The following BDNF variants were observed in gnomAD, a reference collection of about 807,000 sequenced individuals.
The protein encoded by BDNF is neurotrophic factor BDNF precursor form.
Under a neutral mutation model 19.5 loss-of-function variants are expected in BDNF, and 1 was observed. The observed-to-expected ratio is 0.05, with a 90% CI of 0.02 to 0.24. BDNF has a LOEUF of 0.24. Ranked by LOEUF, BDNF falls within the 10% of genes least tolerant of loss-of-function variation. The pLI is 1.00. For synonymous variants in BDNF, 100 were observed against 121.6 expected (o/e 0.82, Z 1.17); for missense variants, 195 against 317.6 (o/e 0.61, Z 2.93).
At chr11:27,701,645 A>C (rs1859902016), upstream of BDNF, 2 of 985,644 alleles carry the variant, frequency 2.0e-6, no homozygotes, top group Non-Finnish European at 2.4e-6. Flanking sequence ...GGAGTCCACG[A>C]GAGGGCTCCA....
chr11:27,660,132 T>C, intron 1 of BDNF: 1 of 1,033,374 alleles, frequency 9.7e-7, no homozygotes, highest in Non-Finnish European at 1.2e-6. Flanking sequence ...CCATGAAGTT[T>C]TACTGAATTC....
Position 27,657,625 on chromosome 11 carries a change from G to A in BDNF, c.*196C>T, listed in dbSNP as rs879870406. The A allele has an allele frequency of 3.2e-5, 45 of 1,396,090 alleles. No homozygotes were observed. Among genetic ancestry groups the A allele is most frequent in the East Asian group, 7.8e-5 (3 of 38,266 alleles). 86.5% of individuals were successfully genotyped at this position (1,396,090 alleles called of 1,614,324 possible). A position where few individuals can be genotyped will look rare whatever the true frequency, so the allele number is the denominator to read the frequency against. The stretch of plus-strand genomic sequence containing the variant: ...GTAATGCAGACTTTTTAAGTTGTGC[G>A]CAAATGACTGTTTCCCTTCTGGTCA... On this transcript the variant is annotated 3_prime_UTR_variant, in exon 2 of 2. Transcript: ENST00000356660. This position sits in a 1 kb window ranked among gnomAD's most constrained non-coding sequence, Gnocchi z 5.0.
At chr11:27,660,876 T>C (rs1356987241) in intron 1 of BDNF, among the ~76,000 whole-genome samples, 1 of 152,206 alleles carries the variant, frequency 6.6e-6, no homozygotes, top group East Asian at 1.9e-4. Context: ...CATCTTAAGC[T>C]GTTGGAAAAT....
chr11:27,676,573 C>T (rs79503647), intron 1 of BDNF, among the ~76,000 whole-genome samples: 238 of 152,178 alleles, frequency 1.6e-3, no homozygotes, highest in African/African-American at 5.7e-3. Flanking sequence ...TATATGATCC[C>T]CTATTTGCCT....
rs1852607866 is a variant in BDNF, at chr11:27,656,790, A to AT, written c.*1030dup. 3 of 984,956 alleles carry AT rather than the reference A, an allele frequency of 3.0e-6. No individual in the cohort carries two copies. The highest frequency in any genetic ancestry group is 3.5e-5 in the African/African-American group (2 of 57,112). The allele number at this position is 984,956 out of a possible 1,614,324, so 61.0% of individuals were successfully genotyped here. ...AAAAAATAATCTTCATTTTGGGGTT[A>AT]TTTTTTGTTGTTTTCTGTTCTAAAA... On this transcript the variant is annotated 3_prime_UTR_variant, in exon 2 of 2. Transcript: ENST00000356660.
chr11:27,697,562 A>G lies in BDNF; in HGVS notation c.-22+2602T>C, dbSNP rs140979651. 21 of 152,302 alleles carry G rather than the reference A, an allele frequency of 1.4e-4. 2 individuals carry two copies. In the East Asian group the frequency reaches 3.9e-3, roughly 28 times the overall value. 9.4% of individuals were successfully genotyped at this position (152,302 alleles called of 1,614,324 possible). ...CTTGGCCATTAATGAGATGAAGGCA[A>G]TTAACTCACATAGTATAAATGAATC... On this transcript the variant is annotated intron_variant, in intron 1 of 1. Transcript: ENST00000356660.
rs1277613430 is a variant in BDNF at position 27,659,458 on chromosome 11, GA to G, written c.-21-874del. The stretch of plus-strand genomic sequence containing the variant: ...CAATGTGTCTGGTAAGGAGAAAACT[GA>G]AAAAGTCAGCATTAAAAAGACATTT... On this transcript the variant is annotated intron_variant, in intron 1 of 1. Transcript: ENST00000356660. 26 of 1,000,172 alleles carry G rather than the reference GA, an allele frequency of 2.6e-5. 1 individual carries two copies. In the South Asian group the frequency reaches 1.2e-3, roughly 47 times the overall value. 62.0% of individuals were successfully genotyped at this position (1,000,172 alleles called of 1,614,324 possible).
rs1217383388 is a variant in BDNF, at chr11:27,700,415, C to CGCG, written c.-276_-274dup. On this transcript the variant is annotated 5_prime_UTR_variant, in exon 1 of 2. Transcript: ENST00000356660. ...CAGCGAGCGGGCGGGTGCGCCCGGG[C>CGCG]GCGGCGGCGGCAGCGTCGGGGACCC... is the stretch of plus-strand genomic sequence containing the variant. 1.7e-5 allele frequency: 17 copies of CGCG among 985,428 alleles called. No individual in the cohort carries two copies. Among genetic ancestry groups the CGCG allele is most frequent in the South Asian group, 1.4e-4 (3 of 21,676 alleles). The allele number at this position is 985,428 out of a possible 1,614,324, so 61.0% of individuals were successfully genotyped here. A position where few individuals can be genotyped will look rare whatever the true frequency, so the allele number is the denominator to read the frequency against.
intron 1 of BDNF, chr11:27,719,463 C>A: frequency 1.0e-6 from 1 of 985,608 alleles, no homozygotes. Context: ...ACCTTCTACT[C>A]CCAGGCGGAG....
At position 27,655,085 on chromosome 11, in the gene BDNF, G is replaced by C. The variant is rs1406891479; in HGVS notation, c.*2736C>G. 6.6e-6 allele frequency: 1 copy of C among 151,720 alleles called. No individual in the cohort carries two copies. 9.4% of individuals were successfully genotyped at this position (151,720 alleles called of 1,614,324 possible). A position where few individuals can be genotyped will look rare whatever the true frequency, so the allele number is the denominator to read the frequency against. On this transcript the variant is annotated 3_prime_UTR_variant, in exon 2 of 2. Coordinates refer to ENST00000356660, the MANE Select transcript of BDNF (RefSeq NM_001709.5). ...TAAAATACAATAAATATTGTTTTTT[G>C]TTTTACATGGTGAATAATATCTTTA...
At chr11:27,686,441 T>C (rs1411831255) in intron 1 of BDNF, among the ~76,000 whole-genome samples, 1 of 152,222 alleles carries the variant, frequency 6.6e-6, no homozygotes, top group Non-Finnish European at 1.5e-5. Flanking sequence ...CCTGTCATTA[T>C]GATGTTAGCT....
chr11:27,659,578 A>T, intron 1 of BDNF: 1 of 1,000,304 alleles, frequency 1.0e-6, no homozygotes, highest in South Asian at 4.7e-5. Flanking sequence ...TGGCTAATAC[A>T]CACATCTAGC....
chr11:27,683,830 C>T (rs1331447698), intron 1 of BDNF, among the ~76,000 whole-genome samples: 2 of 152,156 alleles, frequency 1.3e-5, no homozygotes, highest in Non-Finnish European at 2.9e-5. Flanking sequence ...AGTTTGAAGT[C>T]AGGTAGCATG....
rs534188921 is a variant in BDNF at position 27,698,839 on chromosome 11, T to C, written c.-22+1325A>G. 6.6e-5 allele frequency among the ~76,000 whole-genome samples: 10 copies of C among 152,024 alleles called. No individual in the cohort carries two copies. In the South Asian group the frequency reaches 1.9e-3, roughly 28 times the overall value. ...TTTGGTTGCTACTGACATTAAGGAG[T>C]AAGTGCAGGATAACTAGAGGACCCT... On this transcript the variant is annotated intron_variant, in intron 1 of 1. Transcript: ENST00000356660.
At chr11:27,668,079 C>G (rs997886281) in intron 1 of BDNF, among the ~76,000 whole-genome samples, 1 of 152,210 alleles carries the variant, frequency 6.6e-6, no homozygotes, top group Non-Finnish European at 1.5e-5. Flanking sequence ...TCTCAGACTA[C>G]AGTGCTTTCA....
chr11:27,709,017 C>T (rs1047400077), intron 1 of BDNF, among the ~76,000 whole-genome samples: 11 of 151,672 alleles, frequency 7.3e-5, no homozygotes, highest in African/African-American at 2.2e-4. Flanking sequence ...TTAGTAGAGA[C>T]GGAGTTTCAC....
At position 27,658,421 on chromosome 11, in the gene BDNF, C is replaced by T. The variant is rs768158526; in HGVS notation, c.144G>A (p.Gly48=). 3.1e-6 allele frequency: 5 copies of T among 1,614,070 alleles called. No homozygotes were observed. In the East Asian group the frequency reaches 1.1e-4, roughly 36 times the overall value. The change falls in exon 2 of 2, where the codon GGG becomes GGA. Residue 48 remains glycine (G), a synonymous_variant. Transcript: ENST00000356660. This position sits in a 1 kb window ranked among gnomAD's most constrained non-coding sequence, Gnocchi z 5.7. ...TCAAGCCTCTTGAACCTGCCTTGGG[C>T]CCATTCACGCTCTCCAGAGTCCCAT... ...RTHGTLESVN[G]PKAGSRGLTS...
chr11:27,705,922 C>G (rs574022744), intron 1 of BDNF, among the ~76,000 whole-genome samples: 9 of 152,184 alleles, frequency 5.9e-5, no homozygotes, highest in Non-Finnish European at 1.2e-4. Flanking sequence ...TGCTCATATT[C>G]TAGGACATAA....
At chr11:27,701,429 C>G (rs1859889736), upstream of BDNF, 1 of 1,040,182 alleles carries the variant, frequency 9.6e-7, no homozygotes, top group East Asian at 8.2e-5. Context: ...GGGCGCGAGT[C>G]TTTGGTGCCC....
Sources: gnomAD v4.1 joint callset for allele counts (sites outside exome capture counted in the v4.1 genomes callset) on GRCh38, gnomAD v4.1.1 for gene constraint, Gnocchi (gnomAD v3.1) non-coding constraint, MANE v1.5 for transcripts, NCBI Gene and HGNC (gene_info 2026-07-23, HGNC 2026-07-21) for gene names.